The following TTC7B variants were observed in gnomAD, a reference collection of about 807,000 sequenced individuals.
TTC7B encodes the protein tetratricopeptide repeat domain 7B.
Under a neutral mutation model 106.8 loss-of-function variants are expected in TTC7B, and 28 were observed. The observed-to-expected ratio is 0.26, with a 90% CI of 0.19 to 0.36. The LOEUF (loss-of-function observed/expected upper bound fraction) is 0.36. TTC7B is among the 10% of genes least tolerant of loss of function. The pLI, the probability that TTC7B is intolerant of heterozygous loss-of-function variation, is 1.00. For synonymous variants in TTC7B, 405 were observed against 430.6 expected (o/e 0.94, Z 0.74); for missense variants, 862 against 1,076.4 (o/e 0.80, Z 2.79).
Position 90,600,007 on chromosome 14 carries a change from C to A in TTC7B, c.1967-6381G>T, listed in dbSNP as rs773328678. 1.3e-4 allele frequency among the ~76,000 whole-genome samples: 20 copies of A among 152,126 alleles called. No individual in the cohort carries two copies. The highest frequency in any genetic ancestry group is 5.9e-5 in the Non-Finnish European group (4 of 68,022). On this transcript the variant is annotated intron_variant, in intron 17 of 19. Transcript: ENST00000328459. This position sits in a 1 kb window ranked among gnomAD's most constrained non-coding sequence, Gnocchi z 4.3. ...CCAACACTGCAGACTGCTGGCAGCT[C>A]TGTGCCCTTCTGTCTCTGTGTGTCA...
At chr14:90,558,355 G>A (rs1468185964) in intron 19 of TTC7B, among the ~76,000 whole-genome samples, 1 of 152,262 alleles carries the variant, frequency 6.6e-6, no homozygotes, top group Non-Finnish European at 1.5e-5. Flanking sequence ...CACACAGGGG[G>A]CTGAGAGGAT....
At chr14:90,738,557 A>C (rs1184404428) in intron 4 of TTC7B, among the ~76,000 whole-genome samples, 1 of 152,124 alleles carries the variant, frequency 6.6e-6, no homozygotes, top group Non-Finnish European at 1.5e-5. Context: ...CAGTGTGCCA[A>C]GACTGCGCCA....
At chr14:90,589,934 T>C (rs1225142337) in intron 18 of TTC7B, among the ~76,000 whole-genome samples, 3 of 152,202 alleles carry the variant, frequency 2.0e-5, no homozygotes, top group African/African-American at 7.2e-5. Flanking sequence ...GTAGACATAC[T>C]CTGTAGCTGT....
chr14:90,667,112 C>A (rs1683715490), intron 9 of TTC7B, among the ~76,000 whole-genome samples: 2 of 152,216 alleles, frequency 1.3e-5, no homozygotes, highest in African/African-American at 4.8e-5. Context: ...GGGTTTTAAC[C>A]CTTCAACCAT....
intron 3 of TTC7B, among the ~76,000 whole-genome samples, chr14:90,762,454 T>C (rs1175460290): frequency 2.0e-5 from 3 of 152,238 alleles, no homozygotes; most frequent in Non-Finnish European, 4.4e-5. Context: ...GAATCTTTAA[T>C]TCTTTCTAAT....
rs988472375 is a variant in TTC7B at position 90,557,166 on chromosome 14, C to T, written c.2311-15577G>A. 7.2e-5 allele frequency among the ~76,000 whole-genome samples: 11 copies of T among 152,272 alleles called. No individual in the cohort carries two copies. The East Asian group carries it at 1.5e-3, about 21-fold the overall frequency. On this transcript the variant is annotated intron_variant, in intron 19 of 19. Coordinates refer to ENST00000328459, the MANE Select transcript of TTC7B (RefSeq NM_001010854.2). ...CTACCTGTCCTCAGGTGGGGTGGGG[C>T]GGGGCTCATCCCTTTGCGAGGGCCT...
At chr14:90,713,627 T>C (rs1460559348) in intron 5 of TTC7B, among the ~76,000 whole-genome samples, 2 of 152,182 alleles carry the variant, frequency 1.3e-5, no homozygotes, top group South Asian at 2.1e-4. Flanking sequence ...TACCATGGGA[T>C]GGTTTCCTAA....
chr14:90,546,644 C>T (rs977809538), intron 19 of TTC7B, among the ~76,000 whole-genome samples: 9 of 152,220 alleles, frequency 5.9e-5, no homozygotes, highest in African/African-American at 1.7e-4. Flanking sequence ...CCCAGCAGCA[C>T]GCAGCTCCTG....
intron 18 of TTC7B, among the ~76,000 whole-genome samples, chr14:90,579,460 C>T (rs1279276411): frequency 6.6e-6 from 1 of 152,250 alleles, no homozygotes; most frequent in Admixed American, 6.5e-5. Context: ...TCATATGATC[C>T]ACAACAGCAC....
intron 1 of TTC7B, among the ~76,000 whole-genome samples, chr14:90,814,574 G>GA (rs1422526312): frequency 1.3e-5 from 2 of 152,074 alleles, no homozygotes; most frequent in African/African-American, 2.4e-5. Flanking sequence ...GGATTCAGAA[G>GA]AAAAAAGACC....
At position 90,608,349 on chromosome 14, in the gene TTC7B, G is replaced by A. The variant is rs569314542; in HGVS notation, c.1966+2393C>T. Among the ~76,000 whole-genome samples, 13 of 152,168 alleles carry A rather than the reference G, an allele frequency of 8.5e-5. No individual in the cohort carries two copies. Among genetic ancestry groups the A allele is most frequent in the East Asian group, 1.9e-4 (1 of 5,182 alleles). On this transcript the variant is annotated intron_variant, in intron 17 of 19. Transcript: ENST00000328459. This position sits in a 1 kb window ranked among gnomAD's most constrained non-coding sequence, Gnocchi z 5.1. ...TCCCTGGTCTCTTGGTTAAATTGTCGGCGTGCAAATCAGTATTTTGCAGCT... is the reference window on the plus strand; with the variant it reads ...TCCCTGGTCTCTTGGTTAAATTGTCAGCGTGCAAATCAGTATTTTGCAGCT...
chr14:90,730,048 G>A (rs1257818410), intron 5 of TTC7B, 27 bp downstream of exon 5: 2 of 1,587,820 alleles, frequency 1.3e-6, no homozygotes, highest in South Asian at 2.3e-5. Flanking sequence ...TTTAGGAAGT[G>A]GATTTAAAAA....
At chr14:90,766,626 CAT>C (rs1890689693) in intron 3 of TTC7B, 1 of 1,017,796 alleles carries the variant, frequency 9.8e-7, no homozygotes, top group Non-Finnish European at 1.6e-6. Context: ...CCATCCCTGC[CAT>C]TAAGGGTGTG....
chr14:90,719,101 C>A (rs10150862), intron 5 of TTC7B, among the ~76,000 whole-genome samples: 94,889 of 151,558 alleles, frequency 0.63, 30,170 homozygotes, highest in African/African-American at 0.71. Context: ...TCGCTACAAA[C>A]AAACAAACAA....
At chr14:90,591,491 G>A (rs936480996) in intron 18 of TTC7B, among the ~76,000 whole-genome samples, 1 of 152,232 alleles carries the variant, frequency 6.6e-6, no homozygotes, top group Non-Finnish European at 1.5e-5. Context: ...TGAATTGGGG[G>A]CAGCAAGGCA....
chr14:90,815,681 A>G lies in TTC7B; in HGVS notation c.121+494T>C, dbSNP rs190409789. On this transcript the variant is annotated intron_variant, in intron 1 of 19. Transcript: ENST00000328459. ...TTCCACCCAGAACCCCTTAAACACC[A>G]TATGTTTACAAACCAGATTCCCCAG... 4.0e-5 allele frequency among the ~76,000 whole-genome samples: 6 copies of G among 151,770 alleles called. No homozygotes were observed. In the East Asian group the frequency reaches 1.2e-3, roughly 30 times the overall value.
At chr14:90,562,644 T>C (rs1034517898) in intron 19 of TTC7B, among the ~76,000 whole-genome samples, 3 of 152,250 alleles carry the variant, frequency 2.0e-5, no homozygotes, top group African/African-American at 7.2e-5. Context: ...TATTTTAAAG[T>C]AAATTGCAGG....
intron 6 of TTC7B, among the ~76,000 whole-genome samples, chr14:90,693,452 C>T (rs146335827): frequency 1.2e-3 from 189 of 152,274 alleles, no homozygotes; most frequent in African/African-American, 4.3e-3. Flanking sequence ...TAGCAGCCCT[C>T]GGGATCCAAT....
At chr14:90,606,890 C>A (rs1892661182) in intron 17 of TTC7B, among the ~76,000 whole-genome samples, 1 of 152,130 alleles carries the variant, frequency 6.6e-6, no homozygotes, top group Non-Finnish European at 1.5e-5. Flanking sequence ...CTTCCAAAAT[C>A]ATGAATACTG....
Sources: allele counts gnomAD v4.1 joint callset (sites outside exome capture counted in the v4.1 genomes callset), GRCh38; gene constraint gnomAD v4.1.1; non-coding constraint Gnocchi (gnomAD v3.1); transcripts MANE v1.5; gene names NCBI Gene and HGNC (gene_info 2026-07-23, HGNC 2026-07-21).